Variants in MCM9 observed in about 807,000 individuals in gnomAD.
The protein encoded by MCM9 is minichromosome maintenance 9 homologous recombination repair factor.
A neutral mutation model predicts 72.8 loss-of-function variants in MCM9; 55 were observed. The observed-to-expected ratio is 0.76, with a 90% CI of 0.61 to 0.95. The LOEUF is 0.95. Ranked by LOEUF, MCM9 falls within the 40% of genes least tolerant of loss-of-function variation. MCM9 has a pLI of 0.00. For synonymous variants in MCM9, 480 were observed against 503.4 expected, an observed-to-expected ratio of 0.95 and a Z score of 0.62; for missense variants, 1,279 against 1,377.0, an observed-to-expected ratio of 0.93 and a Z score of 1.13.
chr6:118,916,871 C>A (rs1213475450), intron 6 of MCM9, among the ~76,000 whole-genome samples: 3 of 152,144 alleles, frequency 2.0e-5, no homozygotes, highest in Non-Finnish European at 2.9e-5. Flanking sequence ...TAATCAATAT[C>A]TCTTAGATTT....
chr6:118,882,090 C>T (rs778206053), intron 8 of MCM9, among the ~76,000 whole-genome samples: 8 of 152,172 alleles, frequency 5.3e-5, no homozygotes, highest in Admixed American at 6.5e-5. Flanking sequence ...CCAATCCCAA[C>T]GCACAGAGTA....
intron 4 of MCM9, 152 bp downstream of exon 4, chr6:118,923,659 A>G: frequency 1.5e-6 from 1 of 660,326 alleles, no homozygotes. Context: ...GACTATATTC[A>G]GATATATGTG....
intron 3 of MCM9, among the ~76,000 whole-genome samples, chr6:118,928,551 G>A (rs947669664): frequency 6.6e-6 from 1 of 152,082 alleles, no homozygotes; most frequent in Non-Finnish European, 1.5e-5. Context: ...CTATCACACA[G>A]GGTAATAAGA....
At chr6:118,825,125 C>T (rs1774075919) in intron 13 of MCM9, among the ~76,000 whole-genome samples, 1 of 152,106 alleles carries the variant, frequency 6.6e-6, no homozygotes, top group South Asian at 2.1e-4. Flanking sequence ...AAATGAGCAG[C>T]CTCTCCAAAA....
chr6:118,871,525 C>T (rs1404581330), intron 8 of MCM9, among the ~76,000 whole-genome samples: 1 of 152,202 alleles, frequency 6.6e-6, no homozygotes, highest in African/African-American at 2.4e-5. Context: ...ACATTACATA[C>T]AATGGTGAAA....
chr6:118,890,729 A>G (rs773240876), intron 8 of MCM9, among the ~76,000 whole-genome samples: 37 of 152,230 alleles, frequency 2.4e-4, no homozygotes, highest in Non-Finnish European at 4.1e-4. Context: ...GTCTATATTT[A>G]TACAGAAAAT....
At chr6:118,854,697 T>A (rs1043781558) in intron 9 of MCM9, among the ~76,000 whole-genome samples, 3 of 152,346 alleles carry the variant, frequency 2.0e-5, no homozygotes, top group Non-Finnish European at 4.4e-5. Context: ...GAAAGAAACT[T>A]CTAGTTTGCT....
chr6:118,931,444 G>A lies in MCM9; in HGVS notation c.280C>T (p.Gln94Ter). Residue 94 changes from glutamine to a stop codon, truncating the protein, a stop_gained, in exon 3 of 14, where the codon CAG becomes TAG. Transcript: ENST00000619706. LOFTEE classifies it high-confidence loss of function. Reference sequence around the variant, plus strand: ...CCTGATATCCTGGCATGAAGATTCTGTTTCATGGAAACAGCCTCAGGCTGA... The same window carrying A: ...CCTGATATCCTGGCATGAAGATTCTATTTCATGGAAACAGCCTCAGGCTGA... Reference protein sequence around the residue: ...LSQPEAVSMKQNLHARISGLP... With the variant: ...LSQPEAVSMK 1 of 1,612,200 alleles carries A rather than the reference G, an allele frequency of 6.2e-7. No individual in the cohort carries two copies. Among genetic ancestry groups the A allele is most frequent in the Non-Finnish European group, 8.5e-7 (1 of 1,178,322 alleles).
At chr6:118,842,606 A>G (rs1421248564) in intron 9 of MCM9, among the ~76,000 whole-genome samples, 1 of 152,100 alleles carries the variant, frequency 6.6e-6, no homozygotes, top group Non-Finnish European at 1.5e-5. Flanking sequence ...TGCAGCCTCA[A>G]CCTCCTAGGC....
intron 13 of MCM9, among the ~76,000 whole-genome samples, chr6:118,825,220 C>T (rs927058839): frequency 6.6e-6 from 1 of 152,100 alleles, no homozygotes; most frequent in Non-Finnish European, 1.5e-5. Context: ...GATCTTGGCA[C>T]CATGTTCTGG....
chr6:118,893,497 G>A (rs150232544), intron 8 of MCM9, among the ~76,000 whole-genome samples: 9 of 151,992 alleles, frequency 5.9e-5, no homozygotes, highest in Non-Finnish European at 1.2e-4. Context: ...AGACGCCCAG[G>A]TGCAAGCCCA....
At chr6:118,865,418 T>C (rs1293673747) in intron 8 of MCM9, among the ~76,000 whole-genome samples, 3 of 152,204 alleles carry the variant, frequency 2.0e-5, no homozygotes, top group Non-Finnish European at 4.4e-5. Context: ...AGTAGGCATA[T>C]GTGAGTCTCC....
In MCM9 at chr6:118,931,608, G is replaced by A. The variant is rs1334701531; in HGVS notation, c.116C>T (p.Pro39Leu). The change falls in exon 3 of 14, where the codon CCA becomes CTA. Residue 39 changes from proline (P) to leucine (L), a missense_variant. Transcript: ENST00000619706. ...LKERDEDAHY[P>L]VVVNAMTLFE... ...CAGAGTCATGGCATTAACCACAACT[G>A]GGTAATGAGCATCTTCATCCCTTTC... 1.9e-6 allele frequency: 3 copies of A among 1,613,928 alleles called. No individual in the cohort carries two copies. The African/African-American group carries it at 4.0e-5, about 22-fold the overall frequency.
intron 8 of MCM9, chr6:118,894,590 G>C: frequency 1.3e-5 from 17 of 1,352,570 alleles, no homozygotes; most frequent in Non-Finnish European, 1.6e-5. Flanking sequence ...TTCCCGGGCC[G>C]GGCCTCGCGC....
intron 13 of MCM9, among the ~76,000 whole-genome samples, chr6:118,824,122 G>C (rs1313024868): frequency 7.5e-6 from 1 of 133,374 alleles, no homozygotes; most frequent in Non-Finnish European, 1.5e-5. Flanking sequence ...CACGATCACG[G>C]CTCACTGAAA....
chr6:118,863,365 TAA>T (rs1300382610), intron 8 of MCM9, among the ~76,000 whole-genome samples: 1 of 152,066 alleles, frequency 6.6e-6, no homozygotes, highest in African/African-American at 2.4e-5. Flanking sequence ...GCAACCACTT[TAA>T]AAAAAGTTTT....
At chr6:118,894,091 C>T in intron 8 of MCM9, 1 of 1,128,914 alleles carries the variant, frequency 8.9e-7, no homozygotes, top group Non-Finnish European at 1.1e-6. Context: ...TTTCCGAGTC[C>T]ATTCCGGGAG....
At chr6:118,840,531 C>T (rs1775280834) in intron 9 of MCM9, among the ~76,000 whole-genome samples, 1 of 152,142 alleles carries the variant, frequency 6.6e-6, no homozygotes, top group Admixed American at 6.5e-5. Context: ...GGCCAGAGAA[C>T]AGCCCACGCA....
intron 8 of MCM9, among the ~76,000 whole-genome samples, chr6:118,875,369 C>T (rs1277102201): frequency 1.3e-5 from 2 of 152,182 alleles, no homozygotes; most frequent in African/African-American, 4.8e-5. Flanking sequence ...GGCGCAGTGG[C>T]TCACATCTGT....
Sources: allele counts gnomAD v4.1 joint callset (sites outside exome capture counted in the v4.1 genomes callset), GRCh38; gene constraint gnomAD v4.1.1; transcripts MANE v1.5; gene names NCBI Gene and HGNC (gene_info 2026-07-23, HGNC 2026-07-21).